Variants in GPC5 observed in about 807,000 individuals in gnomAD.
The protein encoded by GPC5 is glypican 5, also known as glypican-5.
GPC5 carries 47 observed loss-of-function variants against 53.9 expected under a neutral mutation model. The observed-to-expected ratio is 0.87, with a 90% CI of 0.69 to 1.11. The LOEUF (loss-of-function observed/expected upper bound fraction) is 1.11. Among genes scored for constraint, GPC5 ranks in the 50% most tolerant of loss-of-function variants. The probability of loss-of-function intolerance (pLI) is 0.00; values close to 1 mark genes in which losing one functional copy is unlikely to be tolerated. For missense variants in GPC5, 748 were observed against 713.1 expected, an observed-to-expected ratio of 1.05 and a Z score of -0.56; for synonymous variants, 286 against 263.3, an observed-to-expected ratio of 1.09 and a Z score of -0.84.
chr13:91,677,510 G>A (rs969157123), intron 2 of GPC5, among the ~76,000 whole-genome samples: 7 of 152,066 alleles, frequency 4.6e-5, no homozygotes, highest in African/African-American at 1.2e-4. Context: ...TTTAATAGAC[G>A]AGAACCTCAA....
chr13:92,424,497 A>T (rs2139366433), intron 7 of GPC5, among the ~76,000 whole-genome samples: 1 of 152,182 alleles, frequency 6.6e-6, no homozygotes, highest in Middle Eastern at 3.4e-3. Flanking sequence ...AAATGCCTTT[A>T]TCTTTTTGGG....
intron 7 of GPC5, among the ~76,000 whole-genome samples, chr13:92,347,854 C>CATATATATAATATATATTATATATATA (rs1215749530): frequency 6.8e-5 from 1 of 14,698 alleles, no homozygotes; most frequent in African/African-American, 4.1e-4. Context: ...CTGTTTTATA[C>CATATATATAATATATATTATATATATA]ATATATATAT....
chr13:92,224,082 A>G (rs1482532005), intron 7 of GPC5, among the ~76,000 whole-genome samples: 2 of 152,206 alleles, frequency 1.3e-5, no homozygotes, highest in Non-Finnish European at 2.9e-5. Context: ...AACAAAACAC[A>G]ATGCATAAAT....
At chr13:91,544,132 G>A (rs142430236) in intron 2 of GPC5, among the ~76,000 whole-genome samples, 32 of 152,022 alleles carry the variant, frequency 2.1e-4, no homozygotes, top group African/African-American at 7.5e-4. Context: ...GACATTTCTG[G>A]TGAAATGTAA....
At chr13:92,401,198 T>C (rs1875542664) in intron 7 of GPC5, among the ~76,000 whole-genome samples, 1 of 151,206 alleles carries the variant, frequency 6.6e-6, no homozygotes, top group South Asian at 2.1e-4. Flanking sequence ...TTTTAGGAAA[T>C]TGAAGGAAAA....
intron 2 of GPC5, among the ~76,000 whole-genome samples, chr13:91,592,264 G>C (rs1239270825): frequency 6.6e-6 from 1 of 152,146 alleles, no homozygotes; most frequent in Non-Finnish European, 1.5e-5. Flanking sequence ...AGATTCATGG[G>C]TGGTGAATAG....
chr13:91,672,639 T>G (rs959812112), intron 2 of GPC5, among the ~76,000 whole-genome samples: 1 of 152,192 alleles, frequency 6.6e-6, no homozygotes, highest in Non-Finnish European at 1.5e-5. Context: ...TTGATGGAAA[T>G]GTAAATTAGT....
intron 7 of GPC5, among the ~76,000 whole-genome samples, chr13:92,778,685 A>G (rs1181330060): frequency 6.6e-6 from 1 of 152,166 alleles, no homozygotes; most frequent in Non-Finnish European, 1.5e-5. Flanking sequence ...TTACTCTTTT[A>G]GTTCTGCGAC....
At position 92,459,609 on chromosome 13, in the gene GPC5, T is replaced by A. The variant is rs570353222; in HGVS notation, c.1561+314620T>A. On this transcript the variant is annotated intron_variant, in intron 7 of 7. Coordinates refer to ENST00000377067, the MANE Select transcript of GPC5 (RefSeq NM_004466.6). ...TGTTGCAGGGAATAGACAGGCTGGATGTACCGAATATTTTACCATTCTAAA... is the reference window on the plus strand; with the variant it reads ...TGTTGCAGGGAATAGACAGGCTGGAAGTACCGAATATTTTACCATTCTAAA... 6.6e-5 allele frequency among the ~76,000 whole-genome samples: 10 copies of A among 152,308 alleles called. No homozygotes were observed. In the East Asian group the frequency reaches 1.2e-3, roughly 18 times the overall value.
intron 1 of GPC5, among the ~76,000 whole-genome samples, chr13:91,418,992 A>G (rs1481642611): frequency 6.6e-6 from 1 of 152,072 alleles, no homozygotes; most frequent in Non-Finnish European, 1.5e-5. Context: ...CCTTGCATTC[A>G]TGATAATTTG....
At chr13:91,969,457 GT>G (rs1236410091) in intron 6 of GPC5, among the ~76,000 whole-genome samples, 1 of 151,986 alleles carries the variant, frequency 6.6e-6, no homozygotes, top group Non-Finnish European at 1.5e-5. Flanking sequence ...TTTGGCACTG[GT>G]CTTGATGGTA....
At chr13:92,719,076 TTAAA>T in intron 7 of GPC5, among the ~76,000 whole-genome samples, 1 of 151,794 alleles carries the variant, frequency 6.6e-6, no homozygotes, top group South Asian at 2.1e-4. Flanking sequence ...CTCATAAAAA[TTAAA>T]TATTAAAAAA....
intron 5 of GPC5, among the ~76,000 whole-genome samples, chr13:91,769,066 G>A (rs2037575586): frequency 6.6e-6 from 1 of 152,190 alleles, no homozygotes; most frequent in African/African-American, 2.4e-5. Flanking sequence ...ATTGGCTTAT[G>A]TGATCGTGGG....
chr13:91,478,822 TACACAC>T (rs1194096313), intron 2 of GPC5, among the ~76,000 whole-genome samples: 2 of 92,166 alleles, frequency 2.2e-5, no homozygotes, highest in African/African-American at 5.2e-5. Flanking sequence ...TATATATATA[TACACAC>T]ACACACATAT....
rs1016903567 is a variant in GPC5, at chr13:91,615,889, G to C, written c.326-77298G>C. 2.0e-5 allele frequency among the ~76,000 whole-genome samples: 3 copies of C among 152,116 alleles called. No homozygotes were observed. The East Asian group carries it at 5.8e-4, about 29-fold the overall frequency. ...CCTTTTAAAATATACTACTAGGATA[G>C]TTTCAAATGTCTTTAATTCGTGGAT... On this transcript the variant is annotated intron_variant, in intron 2 of 7. Coordinates refer to ENST00000377067, the MANE Select transcript of GPC5 (RefSeq NM_004466.6).
chr13:91,507,442 C>A (rs575321729), intron 2 of GPC5, among the ~76,000 whole-genome samples: 1 of 152,250 alleles, frequency 6.6e-6, no homozygotes, highest in South Asian at 2.1e-4. Flanking sequence ...CAAGGAGGAG[C>A]AAGCACATCT....
chr13:92,238,010 A>G (rs529655591), intron 7 of GPC5, among the ~76,000 whole-genome samples: 2 of 152,124 alleles, frequency 1.3e-5, no homozygotes, highest in South Asian at 4.1e-4. Context: ...TCTCATTTTT[A>G]TGGTGGAATA....
At chr13:92,575,507 A>G (rs1566300859) in intron 7 of GPC5, among the ~76,000 whole-genome samples, 1 of 152,116 alleles carries the variant, frequency 6.6e-6, no homozygotes, top group Non-Finnish European at 1.5e-5. Context: ...CAACACCTTG[A>G]TTTTGGACAT....
At chr13:91,757,888 TA>T (rs1466492948) in intron 5 of GPC5, among the ~76,000 whole-genome samples, 1 of 152,148 alleles carries the variant, frequency 6.6e-6, no homozygotes, top group Non-Finnish European at 1.5e-5. Context: ...ATGATAAACA[TA>T]TACTATAATC....
Sources: allele counts gnomAD v4.1 joint callset (sites outside exome capture counted in the v4.1 genomes callset), GRCh38; gene constraint gnomAD v4.1.1; transcripts MANE v1.5; gene names NCBI Gene and HGNC (gene_info 2026-07-23, HGNC 2026-07-21).